Variants in MERTK observed in about 807,000 individuals in gnomAD.
MERTK encodes MER proto-oncogene, tyrosine kinase, also known as tyrosine-protein kinase Mer.
MERTK carries 69 observed loss-of-function variants against 99.3 expected under a neutral mutation model. The observed-to-expected ratio is 0.70, with a 90% CI of 0.57 to 0.85. The LOEUF (loss-of-function observed/expected upper bound fraction) is 0.85. Ranked by LOEUF, MERTK falls within the 40% of genes least tolerant of loss-of-function variation. The pLI, the probability that MERTK is intolerant of heterozygous loss-of-function variation, is 0.00. For missense variants in MERTK, 1,125 were observed against 1,249.4 expected (o/e 0.90, Z 1.50); for synonymous variants, 426 against 467.6 (o/e 0.91, Z 1.15).
At chr2:111,959,554 G>A (rs1685207047) in intron 4 of MERTK, among the ~76,000 whole-genome samples, 1 of 152,022 alleles carries the variant, frequency 6.6e-6, no homozygotes. Context: ...GCTCACTGTA[G>A]CCTCAACCTC....
intron 2 of MERTK, among the ~76,000 whole-genome samples, chr2:111,931,862 T>C (rs1423550018): frequency 6.6e-6 from 1 of 152,176 alleles, no homozygotes; most frequent in East Asian, 1.9e-4. Flanking sequence ...TTCCCTGGTC[T>C]ATTTTCCAAA....
chr2:111,929,787 G>C (rs1684638228), intron 2 of MERTK, among the ~76,000 whole-genome samples: 1 of 148,734 alleles, frequency 6.7e-6, no homozygotes, highest in African/African-American at 2.5e-5. Context: ...TTTTTGTAGA[G>C]ATGAGGTTTC....
At chr2:111,932,178 A>G (rs1417896960) in intron 2 of MERTK, among the ~76,000 whole-genome samples, 4 of 152,132 alleles carry the variant, frequency 2.6e-5, no homozygotes, top group Non-Finnish European at 5.9e-5. Context: ...GAATTTTTGC[A>G]AATGATGAGC....
intron 1 of MERTK, among the ~76,000 whole-genome samples, chr2:111,910,750 A>G (rs1475910452): frequency 6.6e-6 from 1 of 152,150 alleles, no homozygotes; most frequent in Non-Finnish European, 1.5e-5. Context: ...GTTAAACACC[A>G]CATGTCCTCA....
intron 18 of MERTK, chr2:112,028,063 C>A (rs6723289): frequency 0.046 from 20,399 of 444,024 alleles, 691 homozygotes; most frequent in African/African-American, 0.13. Flanking sequence ...ATAGTTTGCC[C>A]GCCGCCATAT....
intron 1 of MERTK, among the ~76,000 whole-genome samples, chr2:111,904,943 G>A (rs1225093401): frequency 6.6e-6 from 1 of 152,194 alleles, no homozygotes; most frequent in Non-Finnish European, 1.5e-5. Flanking sequence ...TCTGGGCATT[G>A]GCTAACCCGT....
chr2:111,910,882 C>T lies in MERTK; in HGVS notation c.61+12086C>T, dbSNP rs150739209. On this transcript the variant is annotated intron_variant, in intron 1 of 18. Coordinates refer to ENST00000295408, the MANE Select transcript of MERTK (RefSeq NM_006343.3). The stretch of plus-strand genomic sequence containing the variant: ...ATAGGAAGAGATTTGTTAAAGAATT[C>T]AAAATTACAGCAAGATAGGAGGGAT... 2.9e-3 allele frequency among the ~76,000 whole-genome samples: 439 copies of T among 152,010 alleles called. 7 individuals carry two copies. The highest frequency in any genetic ancestry group is 6.2e-4 in the Non-Finnish European group (42 of 67,960).
chr2:112,016,606 A>C (rs968935505), intron 15 of MERTK, among the ~76,000 whole-genome samples: 1 of 152,184 alleles, frequency 6.6e-6, no homozygotes, highest in African/African-American at 2.4e-5. Flanking sequence ...CACTCTGCCC[A>C]GGGCAGACAT....
chr2:111,968,690 C>T (rs1029085671), intron 6 of MERTK, among the ~76,000 whole-genome samples: 3 of 151,900 alleles, frequency 2.0e-5, no homozygotes, highest in Admixed American at 6.5e-5. Context: ...TCACCATGCC[C>T]GGCTAAGTTT....
At chr2:112,028,099 A>G (rs1052855570) in intron 18 of MERTK, 2 of 541,634 alleles carry the variant, frequency 3.7e-6, no homozygotes, top group East Asian at 3.3e-5. Flanking sequence ...AATACTCCTT[A>G]TCTGCAAAGT....
intron 14 of MERTK, 136 bp from the exon 15 acceptor site, chr2:112,009,812 T>A: frequency 1.3e-6 from 1 of 747,918 alleles, no homozygotes; most frequent in South Asian, 1.4e-5. Flanking sequence ...GAACAGAGTG[T>A]GAGTTAGGCG....
chr2:111,913,429 C>T (rs890787903), intron 1 of MERTK, among the ~76,000 whole-genome samples: 1 of 152,130 alleles, frequency 6.6e-6, no homozygotes, highest in Non-Finnish European at 1.5e-5. Flanking sequence ...ATTTCAATGT[C>T]TATGTGTTTA....
chr2:111,919,454 A>G (rs992772694), intron 1 of MERTK, among the ~76,000 whole-genome samples: 1 of 152,080 alleles, frequency 6.6e-6, no homozygotes, highest in Admixed American at 6.6e-5. Flanking sequence ...ATTTCCTGGA[A>G]GATTCTGATG....
chr2:112,007,123 C>T (rs1676996434), intron 13 of MERTK, among the ~76,000 whole-genome samples: 1 of 152,108 alleles, frequency 6.6e-6, no homozygotes, highest in Non-Finnish European at 1.5e-5. Flanking sequence ...TAATGTTATA[C>T]AACCATCACT....
In MERTK at chr2:111,898,712, A is replaced by C. The variant is rs1683971592; in HGVS notation, c.-24A>C. ...TCCATCTGTCCATCCGTCCGGAGAG[A>C]AATTACAGATCCGCAGCCCCGGGAT... On this transcript the variant is annotated 5_prime_UTR_variant, in exon 1 of 19. Coordinates refer to ENST00000295408, the MANE Select transcript of MERTK (RefSeq NM_006343.3). 1.9e-6 allele frequency: 3 copies of C among 1,603,842 alleles called. No homozygotes were observed. The highest frequency in any genetic ancestry group is 2.7e-5 in the African/African-American group (2 of 74,758).
chr2:111,923,129 T>C (rs909127154), intron 1 of MERTK, among the ~76,000 whole-genome samples: 2 of 152,200 alleles, frequency 1.3e-5, no homozygotes, highest in Non-Finnish European at 2.9e-5. Flanking sequence ...ATTCTGTAAA[T>C]GTTTGCTGCA....
intron 18 of MERTK, among the ~76,000 whole-genome samples, chr2:112,027,479 C>T (rs1057486497): frequency 1.3e-5 from 2 of 152,114 alleles, no homozygotes; most frequent in East Asian, 3.9e-4. Context: ...ATCTGTCTTA[C>T]TGTGCTCCAT....
intron 16 of MERTK, 42 bp from the exon 17 acceptor site, chr2:112,021,380 A>G (rs1230541408): frequency 1.9e-6 from 3 of 1,610,936 alleles, no homozygotes; most frequent in East Asian, 2.2e-5. Context: ...AATTTAAGGC[A>G]TTGCCTCTGA....
At position 112,028,927 on chromosome 2, in the gene MERTK, T is replaced by G; in HGVS notation, c.*63T>G. The G allele has an allele frequency of 7.5e-6, 12 of 1,608,262 alleles. No individual in the cohort carries two copies. Among genetic ancestry groups the G allele is most frequent in the Non-Finnish European group, 1.0e-5 (12 of 1,178,152 alleles). ...TTCTTCTGCTGTAGGAGAATCCAAT[T>G]GTACCTGATGTTTTTGGTATTTGTC... On this transcript the variant is annotated 3_prime_UTR_variant, in exon 19 of 19. Transcript: ENST00000295408.
Sources: allele counts gnomAD v4.1 joint callset (sites outside exome capture counted in the v4.1 genomes callset), GRCh38; gene constraint gnomAD v4.1.1; transcripts MANE v1.5; gene names NCBI Gene and HGNC (gene_info 2026-07-23, HGNC 2026-07-21).